Variants in IL20RA observed in about 807,000 individuals in gnomAD.
IL20RA encodes the protein interleukin 20 receptor subunit alpha.
In IL20RA, 29 loss-of-function variants were observed where a neutral mutation model predicts 36.5. The ratio of observed to expected loss-of-function variants is 0.79; its 90% confidence interval spans 0.59 to 1.08. IL20RA has a LOEUF of 1.08. IL20RA is among the 50% of genes least tolerant of loss of function. The pLI is 0.00. For synonymous variants in IL20RA, 279 were observed against 267.1 expected, an observed-to-expected ratio of 1.04 and a Z score of -0.43; for missense variants, 652 against 668.4, an observed-to-expected ratio of 0.98 and a Z score of 0.27.
chr6:137,028,239 GAA>G (rs768745540), intron 1 of IL20RA, among the ~76,000 whole-genome samples: 1 of 152,050 alleles, frequency 6.6e-6, no homozygotes, highest in Non-Finnish European at 1.5e-5. Context: ...CCAACATGGT[GAA>G]ACCCCATCTC....
chr6:137,036,122 G>A (rs1232614234), intron 1 of IL20RA, among the ~76,000 whole-genome samples: 1 of 152,122 alleles, frequency 6.6e-6, no homozygotes, highest in African/African-American at 2.4e-5. Context: ...GACCTCGTCC[G>A]GGCTCTCAAC....
chr6:137,026,475 G>A (rs972419864), intron 1 of IL20RA, among the ~76,000 whole-genome samples: 11 of 152,202 alleles, frequency 7.2e-5, no homozygotes, highest in African/African-American at 1.9e-4. Context: ...CAACAGCTGC[G>A]TTTTAATGAA....
chr6:137,044,352 CCACCGAACT>C, intron 1 of IL20RA: 1 of 1,062,252 alleles, frequency 9.4e-7, no homozygotes. Flanking sequence ...AGCGCACCCC[CCACCGAACT>C]CCCCCCACCC....
chr6:137,009,199 T>C, intron 4 of IL20RA, 118 bp downstream of exon 4: 1 of 905,154 alleles, frequency 1.1e-6, no homozygotes, highest in Non-Finnish European at 1.9e-6. Flanking sequence ...CGGCGTATCT[T>C]TTGAACATCA....
At chr6:137,022,767 C>A (rs1044179177) in intron 1 of IL20RA, among the ~76,000 whole-genome samples, 3 of 152,076 alleles carry the variant, frequency 2.0e-5, no homozygotes, top group Non-Finnish European at 2.9e-5. Context: ...TAACAGATAT[C>A]CTTATAAGAA....
intron 2 of IL20RA, among the ~76,000 whole-genome samples, chr6:137,012,799 TA>T (rs1165339713): frequency 6.6e-6 from 1 of 152,220 alleles, no homozygotes; most frequent in Non-Finnish European, 1.5e-5. Context: ...TATGTCCATG[TA>T]TTGCCAAAGC....
intron 2 of IL20RA, among the ~76,000 whole-genome samples, chr6:137,014,979 C>T (rs1775628765): frequency 6.6e-6 from 1 of 152,198 alleles, no homozygotes; most frequent in South Asian, 2.1e-4. Flanking sequence ...CACCAGTCTA[C>T]TGAACTTCGT....
In IL20RA at chr6:137,002,476, A is replaced by G; in HGVS notation, c.865-121T>C. On this transcript the variant is annotated intron_variant, in intron 6 of 6. Coordinates refer to ENST00000316649, the MANE Select transcript of IL20RA (RefSeq NM_014432.4). ...AAGACCTACTCTTACCAACTCATGT[A>G]AATGAAAGTTATGCTTGCAATATAC... 4.5e-6 allele frequency: 3 copies of G among 662,872 alleles called. No homozygotes were observed. In the East Asian group the frequency reaches 8.2e-5, roughly 18 times the overall value. The allele number at this position is 662,872 out of a possible 1,614,324, so 41.1% of individuals were successfully genotyped here.
chr6:137,032,677 G>T (rs769878490), intron 1 of IL20RA, among the ~76,000 whole-genome samples: 1 of 152,182 alleles, frequency 6.6e-6, no homozygotes, highest in African/African-American at 2.4e-5. Flanking sequence ...GGAGGCAAAT[G>T]AGATTGACGG....
chr6:137,006,667 T>G (rs894326252), intron 5 of IL20RA, among the ~76,000 whole-genome samples: 1 of 152,048 alleles, frequency 6.6e-6, no homozygotes, highest in Non-Finnish European at 1.5e-5. Context: ...GTCTAACAGC[T>G]GGGATAGCAC....
At chr6:137,007,823 C>T (rs560141674) in intron 5 of IL20RA, among the ~76,000 whole-genome samples, 1 of 152,340 alleles carries the variant, frequency 6.6e-6, no homozygotes, top group East Asian at 1.9e-4. Context: ...TTGAACACAA[C>T]TGGAAGCACC....
intron 1 of IL20RA, among the ~76,000 whole-genome samples, chr6:137,043,792 A>C (rs1225043187): frequency 6.6e-6 from 1 of 152,200 alleles, no homozygotes; most frequent in Admixed American, 6.5e-5. Flanking sequence ...TGTTTTTTAA[A>C]ATAATTTTTT....
At chr6:137,028,626 T>C (rs1013540939) in intron 1 of IL20RA, among the ~76,000 whole-genome samples, 1 of 152,116 alleles carries the variant, frequency 6.6e-6, no homozygotes, top group African/African-American at 2.4e-5. Flanking sequence ...CTTAAACATG[T>C]TTTTTTAGTA....
chr6:137,016,909 T>C, intron 2 of IL20RA, 59 bp downstream of exon 2: 1 of 1,463,034 alleles, frequency 6.8e-7, no homozygotes, highest in Non-Finnish European at 9.5e-7. Context: ...CTTTACACAA[T>C]TCACAAGAGT....
intron 2 of IL20RA, among the ~76,000 whole-genome samples, chr6:137,013,255 C>A (rs1775561008): frequency 6.6e-6 from 1 of 152,186 alleles, no homozygotes; most frequent in South Asian, 2.1e-4. Context: ...TGTGGCCCCT[C>A]CCTCCTCAAA....
rs941183463 is a variant in IL20RA, at chr6:137,001,332, A to G, written c.*226T>C. 2.4e-6 allele frequency: 1 copy of G among 414,124 alleles called. No individual in the cohort carries two copies. The highest frequency in any genetic ancestry group is 3.7e-5 in the East Asian group (1 of 27,014). 25.7% of individuals were successfully genotyped at this position (414,124 alleles called of 1,614,324 possible). ...ATTGACTGCTTTCTCTGCATAGAACAACCGGCCAGCCCCTGGACTCCAGAG... is the reference window on the plus strand; with the variant it reads ...ATTGACTGCTTTCTCTGCATAGAACGACCGGCCAGCCCCTGGACTCCAGAG... On this transcript the variant is annotated 3_prime_UTR_variant, in exon 7 of 7. Coordinates refer to ENST00000316649, the MANE Select transcript of IL20RA (RefSeq NM_014432.4).
At position 137,023,392 on chromosome 6, in the gene IL20RA, C is replaced by T. The variant is rs563141701; in HGVS notation, c.89-6289G>A. On this transcript the variant is annotated intron_variant, in intron 1 of 6. Coordinates refer to ENST00000316649, the MANE Select transcript of IL20RA (RefSeq NM_014432.4). ...TAAGGAGTACAAAGGAGCTAGATCCCCCATCTCTCTAAACTCTGGGAAAAT... is the reference window on the plus strand; with the variant it reads ...TAAGGAGTACAAAGGAGCTAGATCCTCCATCTCTCTAAACTCTGGGAAAAT... Among the ~76,000 whole-genome samples the T allele has an allele frequency of 4.4e-4, 67 of 152,308 alleles. 1 individual carries two copies. In the South Asian group the frequency reaches 0.014, roughly 31 times the overall value.
intron 2 of IL20RA, among the ~76,000 whole-genome samples, chr6:137,015,603 G>T (rs1214471164): frequency 2.0e-5 from 3 of 152,166 alleles, no homozygotes. Context: ...CAGGCAAATG[G>T]ATATAAGAAT....
At chr6:137,042,795 CAA>C (rs1322309913) in intron 1 of IL20RA, 1 of 152,122 alleles carries the variant, frequency 6.6e-6, no homozygotes, top group Non-Finnish European at 1.5e-5. Context: ...CTGAGAGTGG[CAA>C]AGTCATAGAA....
Sources: allele counts gnomAD v4.1 joint callset (sites outside exome capture counted in the v4.1 genomes callset), GRCh38; gene constraint gnomAD v4.1.1; transcripts MANE v1.5; gene names NCBI Gene and HGNC (gene_info 2026-07-23, HGNC 2026-07-21).